PLXDC2: variants seen among roughly 807,000 people sequenced by gnomAD.
PLXDC2 encodes plexin domain containing 2.
In PLXDC2, 40 loss-of-function variants were observed where a neutral mutation model predicts 68.9. The observed-to-expected ratio is 0.58, with a 90% confidence interval of 0.45 to 0.76. The LOEUF (loss-of-function observed/expected upper bound fraction) is 0.76, where lower values mean the gene tolerates loss of function less well. Ranked by LOEUF, PLXDC2 falls within the 30% of genes least tolerant of loss-of-function variation. PLXDC2 has a pLI of 0.00. For missense variants in PLXDC2, 644 were observed against 661.9 expected (o/e 0.97, Z 0.30); for synonymous variants, 243 against 234.2 (o/e 1.04, Z -0.34).
intron 3 of PLXDC2, among the ~76,000 whole-genome samples, chr10:20,064,016 C>G (rs77543820): frequency 6.6e-6 from 1 of 151,838 alleles, no homozygotes; most frequent in South Asian, 2.1e-4. Context: ...TTTGTTTATG[C>G]CTTTTATGTT....
chr10:20,269,693 C>T (rs1385254079), intron 13 of PLXDC2, among the ~76,000 whole-genome samples: 1 of 152,050 alleles, frequency 6.6e-6, no homozygotes, highest in African/African-American at 2.4e-5. Flanking sequence ...TATCATTCTA[C>T]AAGCAGCGAG....
intron 1 of PLXDC2, among the ~76,000 whole-genome samples, chr10:19,971,436 A>C (rs1834350341): frequency 1.3e-5 from 2 of 152,168 alleles, no homozygotes; most frequent in Non-Finnish European, 2.9e-5. Context: ...TCCCCTTAAC[A>C]ATCGAAGTTG....
chr10:19,843,142 C>T (rs1191284763), intron 1 of PLXDC2, among the ~76,000 whole-genome samples: 3 of 150,450 alleles, frequency 2.0e-5, no homozygotes, highest in Non-Finnish European at 4.4e-5. Flanking sequence ...TGGTTTCCCA[C>T]CAAGGTAGTT....
chr10:20,118,042 A>G (rs974659390), intron 4 of PLXDC2, among the ~76,000 whole-genome samples: 7 of 152,064 alleles, frequency 4.6e-5, no homozygotes, highest in Non-Finnish European at 7.4e-5. Flanking sequence ...GTCTCTATAT[A>G]TGTAGCTACA....
intron 1 of PLXDC2, among the ~76,000 whole-genome samples, chr10:19,871,275 A>T (rs181033168): frequency 6.6e-6 from 1 of 152,324 alleles, no homozygotes; most frequent in Admixed American, 6.5e-5. Flanking sequence ...ATTGATGAGG[A>T]CCTTGTCATT....
At chr10:19,850,222 AATTAG>A (rs1466364018) in intron 1 of PLXDC2, among the ~76,000 whole-genome samples, 1 of 151,898 alleles carries the variant, frequency 6.6e-6, no homozygotes, top group Non-Finnish European at 1.5e-5. Flanking sequence ...TGTGTAGTTA[AATTAG>A]AAATATCCCT....
intron 1 of PLXDC2, among the ~76,000 whole-genome samples, chr10:19,824,929 A>C (rs1836542148): frequency 6.6e-6 from 1 of 152,210 alleles, no homozygotes; most frequent in Non-Finnish European, 1.5e-5. Context: ...TTAGCCTGTT[A>C]AGGATTACAG....
At chr10:20,101,626 A>G (rs991732688) in intron 4 of PLXDC2, among the ~76,000 whole-genome samples, 1 of 152,144 alleles carries the variant, frequency 6.6e-6, no homozygotes, top group Non-Finnish European at 1.5e-5. Flanking sequence ...AAAAAACTTC[A>G]GCTGCTCAAG....
chr10:19,931,470 A>G (rs902011266), intron 1 of PLXDC2, among the ~76,000 whole-genome samples: 3 of 152,256 alleles, frequency 2.0e-5, no homozygotes, highest in African/African-American at 7.2e-5. Flanking sequence ...CATGTAAATC[A>G]TTTGAAAAGG....
intron 1 of PLXDC2, among the ~76,000 whole-genome samples, chr10:19,876,199 G>T (rs751817032): frequency 6.6e-6 from 1 of 152,184 alleles, no homozygotes; most frequent in Non-Finnish European, 1.5e-5. Context: ...TGGGATTGCA[G>T]AGTAAGAGAT....
intron 1 of PLXDC2, among the ~76,000 whole-genome samples, chr10:19,913,372 T>C (rs1278560131): frequency 2.0e-5 from 3 of 152,158 alleles, no homozygotes; most frequent in Admixed American, 1.3e-4. Context: ...TCCCCAGCTA[T>C]GCTTCCTGTA....
At chr10:20,166,025 A>AT (rs997214726) in intron 7 of PLXDC2, among the ~76,000 whole-genome samples, 6 of 151,964 alleles carry the variant, frequency 3.9e-5, no homozygotes, top group African/African-American at 9.7e-5. Context: ...AGATGAGATC[A>AT]TTTTTTCTCT....
intron 1 of PLXDC2, among the ~76,000 whole-genome samples, chr10:19,881,623 C>G (rs1299117837): frequency 6.6e-6 from 1 of 152,128 alleles, no homozygotes; most frequent in Non-Finnish European, 1.5e-5. Context: ...AAAGTTCCTA[C>G]TTTTGGACAA....
At chr10:20,072,185 C>T (rs1231936911) in intron 4 of PLXDC2, among the ~76,000 whole-genome samples, 8 of 151,126 alleles carry the variant, frequency 5.3e-5, no homozygotes, top group East Asian at 2.0e-4. Context: ...GACTGCCCAA[C>T]GTGGAGAAAC....
At chr10:19,835,312 G>A (rs1292011966) in intron 1 of PLXDC2, among the ~76,000 whole-genome samples, 1 of 152,134 alleles carries the variant, frequency 6.6e-6, no homozygotes, top group African/African-American at 2.4e-5. Context: ...AGGAAGGGCA[G>A]GTCTAGAGAT....
intron 2 of PLXDC2, among the ~76,000 whole-genome samples, chr10:20,031,509 A>T (rs1309714968): frequency 6.6e-6 from 1 of 152,218 alleles, no homozygotes; most frequent in African/African-American, 2.4e-5. Context: ...TATTACAAAA[A>T]GTCCCAAGCC....
chr10:20,004,510 C>G (rs1834994000), intron 2 of PLXDC2, among the ~76,000 whole-genome samples: 1 of 152,168 alleles, frequency 6.6e-6, no homozygotes, highest in Admixed American at 6.5e-5. Flanking sequence ...CGTTTACTCT[C>G]TGCCCAGAAC....
At chr10:20,165,528 G>A (rs1263013074) in intron 7 of PLXDC2, among the ~76,000 whole-genome samples, 1 of 151,780 alleles carries the variant, frequency 6.6e-6, no homozygotes, top group Non-Finnish European at 1.5e-5. Context: ...AATATGCGGT[G>A]TTTGGTTTTT....
At chr10:20,180,836 T>G (rs1041074569) in intron 9 of PLXDC2, among the ~76,000 whole-genome samples, 3 of 152,032 alleles carry the variant, frequency 2.0e-5, no homozygotes, top group South Asian at 2.1e-4. Context: ...CTTGGTCCAT[T>G]TCTTTGAACT....
Sources: allele counts gnomAD v4.1 joint callset (sites outside exome capture counted in the v4.1 genomes callset), GRCh38; gene constraint gnomAD v4.1.1; transcripts MANE v1.5; gene names NCBI Gene and HGNC (gene_info 2026-07-23, HGNC 2026-07-21).